The following SORCS1 variants were observed in gnomAD, a reference collection of about 807,000 sequenced individuals.
The protein encoded by SORCS1 is sortilin related VPS10 domain containing receptor 1.
In SORCS1, 60 loss-of-function variants were observed where a neutral mutation model predicts 146.1. That is an observed-to-expected ratio of 0.41 (90% confidence interval 0.33 to 0.51). SORCS1 has a LOEUF of 0.51. SORCS1 is among the 20% of genes least tolerant of loss of function. The pLI, the probability that SORCS1 is intolerant of heterozygous loss-of-function variation, is 0.21. For synonymous variants in SORCS1, 637 were observed against 584.0 expected (o/e 1.09, Z -1.31); for missense variants, 1,352 against 1,487.6 (o/e 0.91, Z 1.50).
At chr10:107,027,100 A>T in intron 1 of SORCS1, among the ~76,000 whole-genome samples, 1 of 148,224 alleles carries the variant, frequency 6.7e-6, no homozygotes, top group East Asian at 1.9e-4. Flanking sequence ...ACATATATAT[A>T]TGTATATATA....
At chr10:106,983,190 ATAT>A (rs1564886347) in intron 1 of SORCS1, among the ~76,000 whole-genome samples, 16 of 123,014 alleles carry the variant, frequency 1.3e-4, no homozygotes, top group African/African-American at 7.7e-4. Flanking sequence ...ATATTTCTCT[ATAT>A]ATACATATTT....
At chr10:106,806,829 C>A (rs1947213508) in intron 3 of SORCS1, among the ~76,000 whole-genome samples, 1 of 151,944 alleles carries the variant, frequency 6.6e-6, no homozygotes, top group Non-Finnish European at 1.5e-5. Flanking sequence ...GGAAGCCTTT[C>A]AAATAAAGAA....
intron 24 of SORCS1, among the ~76,000 whole-genome samples, chr10:106,595,376 C>G (rs1845845815): frequency 6.6e-6 from 1 of 152,220 alleles, no homozygotes; most frequent in East Asian, 1.9e-4. Context: ...CTCCTTGCTC[C>G]TTACACTCAT....
intron 3 of SORCS1, among the ~76,000 whole-genome samples, chr10:106,788,145 C>CTCATGAGAACTCACTCACTA (rs1946144514): frequency 6.6e-6 from 1 of 152,100 alleles, no homozygotes; most frequent in Non-Finnish European, 1.5e-5. Context: ...ACCAACAGAG[C>CTCATGAGAACTCACTCACTA]TCATGAGAAC....
intron 4 of SORCS1, among the ~76,000 whole-genome samples, chr10:106,762,556 C>A (rs534510841): frequency 2.4e-4 from 36 of 151,118 alleles, no homozygotes; most frequent in Non-Finnish European, 2.5e-4. Flanking sequence ...CCAAGCCCGG[C>A]TAATTTTTTT....
chr10:106,721,826 G>A (rs916346434), intron 6 of SORCS1, among the ~76,000 whole-genome samples: 2 of 152,036 alleles, frequency 1.3e-5, no homozygotes, highest in East Asian at 1.9e-4. Context: ...GTATATATTC[G>A]CATTGTTTGA....
chr10:107,070,702 G>T lies in SORCS1; in HGVS notation c.558+93267C>A, dbSNP rs185738192. Among the ~76,000 whole-genome samples, 272 of 152,180 alleles carry T rather than the reference G, an allele frequency of 1.8e-3. 1 individual carries two copies. Among genetic ancestry groups the T allele is most frequent in the Non-Finnish European group, 2.6e-3 (176 of 68,016 alleles). ...GAAAAATAATACCTCGTTTGTGATT[G>T]AACTGTAGCAAAATTTCACAGTAAA... On this transcript the variant is annotated intron_variant, in intron 1 of 25. Coordinates refer to ENST00000263054, the MANE Select transcript of SORCS1 (RefSeq NM_052918.5).
chr10:106,622,289 G>GAAAA (rs554464573), intron 19 of SORCS1, among the ~76,000 whole-genome samples: 15 of 39,046 alleles, frequency 3.8e-4, no homozygotes, highest in East Asian at 8.1e-4. Flanking sequence ...ATTCCATCTC[G>GAAAA]AAAAAAAAAA....
At chr10:106,852,860 C>A (rs1467197073) in intron 2 of SORCS1, among the ~76,000 whole-genome samples, 1 of 152,064 alleles carries the variant, frequency 6.6e-6, no homozygotes, top group Non-Finnish European at 1.5e-5. Context: ...ATGCACAATT[C>A]TTTTCAAACA....
chr10:107,159,396 C>G (rs1246654316), intron 1 of SORCS1, among the ~76,000 whole-genome samples: 2 of 152,100 alleles, frequency 1.3e-5, no homozygotes, highest in Admixed American at 1.3e-4. Flanking sequence ...GAAATTGAGG[C>G]TACAACATTT....
chr10:106,724,538 AAAAAAT>A (rs1461445803), intron 6 of SORCS1, among the ~76,000 whole-genome samples: 4 of 151,826 alleles, frequency 2.6e-5, no homozygotes, highest in African/African-American at 9.7e-5. Context: ...AATAAAAATA[AAAAAAT>A]AAAAATAAAG....
At chr10:107,093,420 A>G (rs1964338749) in intron 1 of SORCS1, among the ~76,000 whole-genome samples, 1 of 152,210 alleles carries the variant, frequency 6.6e-6, no homozygotes, top group Non-Finnish European at 1.5e-5. Context: ...CACGCCTGTA[A>G]TCCCAACACT....
chr10:106,736,082 T>C (rs1001002493), intron 5 of SORCS1, among the ~76,000 whole-genome samples: 1 of 152,180 alleles, frequency 6.6e-6, no homozygotes, highest in Non-Finnish European at 1.5e-5. Flanking sequence ...ACCAGTGACA[T>C]AGCAGCGCAA....
intron 19 of SORCS1, among the ~76,000 whole-genome samples, chr10:106,627,329 G>T (rs1366528187): frequency 1.3e-5 from 2 of 152,178 alleles, no homozygotes; most frequent in Non-Finnish European, 2.9e-5. Context: ...TACGGTAGAT[G>T]TATAACAAAT....
chr10:106,692,366 CCT>C (rs1388228244), intron 9 of SORCS1, among the ~76,000 whole-genome samples: 1 of 152,222 alleles, frequency 6.6e-6, no homozygotes, highest in African/African-American at 2.4e-5. Flanking sequence ...AGCGCCAGCC[CCT>C]GTTTTTTTTC....
intron 1 of SORCS1, among the ~76,000 whole-genome samples, chr10:106,965,918 T>C (rs931136713): frequency 6.6e-6 from 1 of 152,194 alleles, no homozygotes; most frequent in Non-Finnish European, 1.5e-5. Context: ...CATGCTTGAG[T>C]TTTTACTCTT....
At chr10:106,810,054 C>T (rs1947382104) in intron 3 of SORCS1, among the ~76,000 whole-genome samples, 1 of 152,152 alleles carries the variant, frequency 6.6e-6, no homozygotes, top group African/African-American at 2.4e-5. Context: ...AAGCCCGTCT[C>T]TACTACAAAT....
chr10:106,698,219 G>A (rs1450432492), intron 9 of SORCS1, among the ~76,000 whole-genome samples: 1 of 152,184 alleles, frequency 6.6e-6, no homozygotes, highest in African/African-American at 2.4e-5. Flanking sequence ...GAATTACAAT[G>A]ATAGGTTAAA....
intron 3 of SORCS1, among the ~76,000 whole-genome samples, chr10:106,810,814 T>A (rs1947419103): frequency 6.6e-6 from 1 of 152,242 alleles, no homozygotes; most frequent in Non-Finnish European, 1.5e-5. Flanking sequence ...AAAGATGCTC[T>A]GAGCATGTCT....
Sources: allele counts gnomAD v4.1 joint callset (sites outside exome capture counted in the v4.1 genomes callset), GRCh38; gene constraint gnomAD v4.1.1; transcripts MANE v1.5; gene names NCBI Gene and HGNC (gene_info 2026-07-23, HGNC 2026-07-21).